Variants in EIPR1 observed in about 807,000 individuals in gnomAD.
EIPR1 encodes EARP and GARP complex-interacting protein 1.
In EIPR1, 25 loss-of-function variants were observed where a neutral mutation model predicts 48.1. That is an observed-to-expected ratio of 0.52 (90% CI 0.38 to 0.73). The LOEUF (loss-of-function observed/expected upper bound fraction) is 0.73, where lower values mean the gene tolerates loss of function less well. EIPR1 is among the 30% of genes least tolerant of loss of function. The pLI is 0.00. For missense variants in EIPR1, 415 were observed against 506.2 expected, an observed-to-expected ratio of 0.82 and a Z score of 1.73; for synonymous variants, 204 against 201.9, an observed-to-expected ratio of 1.01 and a Z score of -0.09.
At chr2:3,373,482 T>C (rs77020658) in intron 1 of EIPR1, among the ~76,000 whole-genome samples, 24,318 of 151,540 alleles carry the variant, frequency 0.16, 2,148 homozygotes, top group Non-Finnish European at 0.2. Context: ...GAAAACCCCA[T>C]TGTCTCAGCC....
chr2:3,225,990 A>C (rs1264463026), intron 4 of EIPR1, among the ~76,000 whole-genome samples: 3 of 152,248 alleles, frequency 2.0e-5, no homozygotes, highest in Non-Finnish European at 4.4e-5. Flanking sequence ...AGACTGAACA[A>C]TATTCCACTC....
intron 1 of EIPR1, among the ~76,000 whole-genome samples, chr2:3,364,373 T>C (rs1670924089): frequency 6.6e-6 from 1 of 152,152 alleles, no homozygotes; most frequent in Non-Finnish European, 1.5e-5. Context: ...CTCATGCCTA[T>C]AATCCCCGCA....
intron 3 of EIPR1, among the ~76,000 whole-genome samples, chr2:3,274,078 A>AT (rs1301298874): frequency 1.3e-5 from 2 of 152,236 alleles, no homozygotes; most frequent in African/African-American, 2.4e-5. Context: ...AGAATTAATC[A>AT]TTTGGAATAA....
chr2:3,363,885 C>A (rs1390599166), intron 1 of EIPR1, among the ~76,000 whole-genome samples: 2 of 149,838 alleles, frequency 1.3e-5, no homozygotes, highest in African/African-American at 4.9e-5. Flanking sequence ...AGAAGACGCA[C>A]AAATGGCCAA....
At chr2:3,218,217 C>G (rs987757378) in intron 4 of EIPR1, among the ~76,000 whole-genome samples, 2 of 149,880 alleles carry the variant, frequency 1.3e-5, no homozygotes, top group Non-Finnish European at 3.0e-5. Flanking sequence ...CACAGTGAGT[C>G]AGGTGCACAC....
intron 3 of EIPR1, among the ~76,000 whole-genome samples, chr2:3,263,255 A>G (rs1236373549): frequency 6.6e-6 from 1 of 152,186 alleles, no homozygotes; most frequent in Non-Finnish European, 1.5e-5. Context: ...AAAGTGGCCC[A>G]TACTCAAGGG....
chr2:3,263,238 C>T (rs980807388), intron 3 of EIPR1, among the ~76,000 whole-genome samples: 45 of 152,124 alleles, frequency 3.0e-4, no homozygotes, highest in African/African-American at 9.9e-4. Context: ...ATCCCTGTGG[C>T]GTGCAAAAAG....
chr2:3,377,703 G>C lies in EIPR1; in HGVS notation c.-14C>G. 1.3e-6 allele frequency: 2 copies of C among 1,575,416 alleles called. No individual in the cohort carries two copies. The highest frequency in any genetic ancestry group is 1.8e-5 in the Admixed American group (1 of 54,964). On this transcript the variant is annotated 5_prime_UTR_variant, in exon 1 of 9. Transcript: ENST00000382125. ...ATCGTCCTCCATGCTGCGGGGAAGC[G>C]ACCCGACCCCGGCCACTCACACGCT...
chr2:3,306,979 A>G (rs1668966672), intron 3 of EIPR1, among the ~76,000 whole-genome samples: 1 of 151,326 alleles, frequency 6.6e-6, no homozygotes, highest in Non-Finnish European at 1.5e-5. Flanking sequence ...TAATTTATTT[A>G]TTTTTTTGGA....
At chr2:3,319,135 CAAT>C (rs1669411402) in intron 3 of EIPR1, 2 of 349,156 alleles carry the variant, frequency 5.7e-6, no homozygotes, top group East Asian at 7.4e-5. Flanking sequence ...CACTCTGAGA[CAAT>C]AGTTACATCT....
At chr2:3,354,159 A>G (rs11127416) in intron 2 of EIPR1, among the ~76,000 whole-genome samples, 113,138 of 152,102 alleles carry the variant, frequency 0.74, 43,631 homozygotes, top group Non-Finnish European at 0.86. Context: ...TGGGTCAAGT[A>G]GGGATGAGGT....
intron 3 of EIPR1, among the ~76,000 whole-genome samples, chr2:3,332,031 C>G (rs1388264382): frequency 5.3e-3 from 457 of 86,818 alleles, no homozygotes; most frequent in Middle Eastern, 0.03. Flanking sequence ...GAGATGGTGT[C>G]AGCAGAGGCA....
chr2:3,227,143 C>T (rs140928798), intron 4 of EIPR1, among the ~76,000 whole-genome samples: 1,117 of 97,888 alleles, frequency 0.011, 12 homozygotes, highest in African/African-American at 0.038. Flanking sequence ...GAGGTTGGAA[C>T]AGTTTGGAGA....
chr2:3,225,222 ATGTGTGTGTGTGTGTGTGTGTGTGTGTG>A (rs61557621), intron 4 of EIPR1, among the ~76,000 whole-genome samples: 1 of 136,928 alleles, frequency 7.3e-6, no homozygotes. Context: ...ACACTGTGAT[ATGTGTGTGTGTGTGTGTGTGTGTGTGTG>A]TGTGTGTGTG....
chr2:3,348,923 G>A (rs1163637101), intron 2 of EIPR1, among the ~76,000 whole-genome samples: 2 of 152,200 alleles, frequency 1.3e-5, no homozygotes, highest in Admixed American at 6.5e-5. Context: ...GAGCCTTCCC[G>A]GCGTCTCTCC....
intron 3 of EIPR1, among the ~76,000 whole-genome samples, chr2:3,275,580 T>G (rs1297749849): frequency 6.6e-6 from 1 of 152,116 alleles, no homozygotes; most frequent in African/African-American, 2.4e-5. Flanking sequence ...AAAATCTCAA[T>G]ATATTTCAAA....
At chr2:3,323,639 C>G (rs1669602612) in intron 3 of EIPR1, among the ~76,000 whole-genome samples, 1 of 152,152 alleles carries the variant, frequency 6.6e-6, no homozygotes, top group Non-Finnish European at 1.5e-5. Context: ...TTTAAAGTCC[C>G]TTACAGAGAA....
At chr2:3,201,291 TAGACTGGCAC>T in intron 5 of EIPR1, among the ~76,000 whole-genome samples, 2 of 151,916 alleles carry the variant, frequency 1.3e-5, no homozygotes, top group East Asian at 3.9e-4. Flanking sequence ...GAGAAGGAGG[TAGACTGGCAC>T]AGCCGGGCCA....
chr2:3,324,004 C>T (rs1038884961), intron 3 of EIPR1, among the ~76,000 whole-genome samples: 3 of 152,132 alleles, frequency 2.0e-5, no homozygotes, highest in African/African-American at 7.2e-5. Context: ...GAATTCACAG[C>T]GCCAGTGTGA....
Sources: allele counts gnomAD v4.1 joint callset (sites outside exome capture counted in the v4.1 genomes callset), GRCh38; gene constraint gnomAD v4.1.1; transcripts MANE v1.5; gene names NCBI Gene and HGNC (gene_info 2026-07-23, HGNC 2026-07-21).